Variants in USP48 observed in about 807,000 individuals in gnomAD.
The protein encoded by USP48 is ubiquitin carboxyl-terminal hydrolase 48.
USP48 carries 43 observed loss-of-function variants against 150.7 expected under a neutral mutation model. That is an observed-to-expected ratio of 0.29 (90% CI 0.22 to 0.37). USP48 has a LOEUF of 0.37. USP48 is among the 10% of genes least tolerant of loss of function. The probability of loss-of-function intolerance (pLI) is 1.00; values close to 1 mark genes in which losing one functional copy is unlikely to be tolerated. For synonymous variants in USP48, 396 were observed against 425.9 expected (o/e 0.93, Z 0.86); for missense variants, 813 against 1,249.6 (o/e 0.65, Z 5.27).
rs577092432 is a variant in USP48, at chr1:21,678,339, C to A, written c.*1078G>T. ...CCAGTCTTAAGTTCAATTAAAAAAA[C>A]CCCTTCAATATTCTTAAGAATATTG... On this transcript the variant is annotated 3_prime_UTR_variant, in exon 27 of 27. Coordinates refer to ENST00000308271, the MANE Select transcript of USP48 (RefSeq NM_032236.8). 6.7e-5 allele frequency: 10 copies of A among 150,212 alleles called. No individual in the cohort carries two copies. In the East Asian group the frequency reaches 1.6e-3, roughly 24 times the overall value. 9.3% of individuals were successfully genotyped at this position (150,212 alleles called of 1,614,324 possible). A position where few individuals can be genotyped will look rare whatever the true frequency, so the allele number is the denominator to read the frequency against.
chr1:21,701,615 G>A lies in USP48; in HGVS notation c.2623-13C>T, dbSNP rs749370884. 1 of 1,611,994 alleles carries A rather than the reference G, an allele frequency of 6.2e-7. No homozygotes were observed. The highest frequency in any genetic ancestry group is 8.5e-7 in the Non-Finnish European group (1 of 1,178,402). On this transcript the variant is annotated splice_polypyrimidine_tract_variant and intron_variant, in intron 21 of 26. Transcript: ENST00000308271. ...AATCCTTCATCACCTGAATGTGCCAGGACAACAAAGAGAAGTAGGTCAGAC... is the reference window on the plus strand; with the variant it reads ...AATCCTTCATCACCTGAATGTGCCAAGACAACAAAGAGAAGTAGGTCAGAC...
chr1:21,740,752 T>G (rs1039637289), intron 8 of USP48, among the ~76,000 whole-genome samples: 3 of 152,108 alleles, frequency 2.0e-5, no homozygotes, highest in Non-Finnish European at 4.4e-5. Flanking sequence ...TAAATAAAAT[T>G]TTAAGTATGT....
chr1:21,766,012 A>G (rs2097861404), intron 1 of USP48, among the ~76,000 whole-genome samples: 3 of 151,806 alleles, frequency 2.0e-5, no homozygotes, highest in African/African-American at 7.3e-5. Context: ...CTGGGGACTA[A>G]TAAGATGCAA....
intron 1 of USP48, among the ~76,000 whole-genome samples, chr1:21,758,801 T>C (rs1489804956): frequency 6.6e-6 from 1 of 151,690 alleles, no homozygotes; most frequent in African/African-American, 2.4e-5. Context: ...GAAAAGGAAA[T>C]GTACCTTTTC....
chr1:21,699,887 A>G lies in USP48; in HGVS notation c.2727+1611T>C, dbSNP rs1224430003. 4.6e-5 allele frequency among the ~76,000 whole-genome samples: 7 copies of G among 151,764 alleles called. No homozygotes were observed. In the East Asian group the frequency reaches 1.4e-3, roughly 30 times the overall value. On this transcript the variant is annotated intron_variant, in intron 22 of 26. Transcript: ENST00000308271. ...ATCGAGTTTGCACAAATGTGGCTCG[A>G]AAGATGGCTTGTATAGACCACAGAG...
At chr1:21,700,013 TAGAGTC>T (rs2097650679) in intron 22 of USP48, among the ~76,000 whole-genome samples, 1 of 147,752 alleles carries the variant, frequency 6.8e-6, no homozygotes, top group African/African-American at 2.5e-5. Context: ...GACATATTAG[TAGAGTC>T]AACTAATATG....
chr1:21,682,296 T>A (rs1026776452), intron 25 of USP48, among the ~76,000 whole-genome samples: 2 of 152,166 alleles, frequency 1.3e-5, no homozygotes, highest in African/African-American at 4.8e-5. Context: ...TGGCTTTCCC[T>A]CCTACTTCTA....
intron 1 of USP48, among the ~76,000 whole-genome samples, chr1:21,764,757 T>C (rs988810059): frequency 2.0e-5 from 3 of 151,194 alleles, no homozygotes; most frequent in African/African-American, 7.3e-5. Flanking sequence ...CATGACTGAT[T>C]GAATCACTGG....
chr1:21,731,504 TCCTC>T (rs1334755844), intron 9 of USP48, among the ~76,000 whole-genome samples: 1 of 151,568 alleles, frequency 6.6e-6, no homozygotes, highest in Non-Finnish European at 1.5e-5. Flanking sequence ...CCTCAGGTGA[TCCTC>T]CCTCCTCGGC....
At chr1:21,681,482 G>A (rs370520958) in intron 25 of USP48, among the ~76,000 whole-genome samples, 4 of 151,848 alleles carry the variant, frequency 2.6e-5, no homozygotes, top group African/African-American at 4.8e-5. Flanking sequence ...GGCTCGTCTC[G>A]AACTCTTGAC....
chr1:21,683,450 T>A (rs1238170848), intron 25 of USP48, among the ~76,000 whole-genome samples: 1 of 152,102 alleles, frequency 6.6e-6, no homozygotes, highest in Admixed American at 6.5e-5. Context: ...AGTGGCATGA[T>A]GACAGCTCAC....
At chr1:21,702,915 A>G (rs2097661394) in intron 21 of USP48, among the ~76,000 whole-genome samples, 1 of 152,268 alleles carries the variant, frequency 6.6e-6, no homozygotes, top group African/African-American at 2.4e-5. Flanking sequence ...CTATCACCAC[A>G]GGAAGCTCTA....
intron 26 of USP48, among the ~76,000 whole-genome samples, chr1:21,680,195 G>C (rs554788937): frequency 1.3e-5 from 2 of 152,274 alleles, no homozygotes; most frequent in South Asian, 4.1e-4. Flanking sequence ...ACCTGCCAGG[G>C]GCTTCTGGAG....
intron 11 of USP48, among the ~76,000 whole-genome samples, chr1:21,726,272 C>T (rs1187640952): frequency 6.6e-6 from 1 of 152,122 alleles, no homozygotes; most frequent in African/African-American, 2.4e-5. Flanking sequence ...TGACTGTGGC[C>T]CTGACTGTCC....
At chr1:21,719,273 T>G (rs2152540430) in intron 14 of USP48, among the ~76,000 whole-genome samples, 1 of 150,480 alleles carries the variant, frequency 6.6e-6, no homozygotes, top group Non-Finnish European at 1.5e-5. Context: ...CAGAGTGATA[T>G]TCCATCTCAA....
rs986887661 is a variant in USP48 at position 21,704,672 on chromosome 1, T to A, written c.2385-280A>T. On this transcript the variant is annotated intron_variant, in intron 19 of 26. Transcript: ENST00000308271. ...TAGTTGCAGAAGTATAAATACAGTATGGTGCCATTTATATAAAAAGTTTTA... is the reference window on the plus strand; with the variant it reads ...TAGTTGCAGAAGTATAAATACAGTAAGGTGCCATTTATATAAAAAGTTTTA... 5 of 260,634 alleles carry A rather than the reference T, an allele frequency of 1.9e-5. No individual in the cohort carries two copies. The Admixed American group carries it at 2.1e-4, about 11-fold the overall frequency. 16.1% of individuals were successfully genotyped at this position (260,634 alleles called of 1,614,324 possible). A position where few individuals can be genotyped will look rare whatever the true frequency, so the allele number is the denominator to read the frequency against.
intron 10 of USP48, among the ~76,000 whole-genome samples, chr1:21,728,951 C>T (rs1175847125): frequency 2.0e-5 from 3 of 152,136 alleles, no homozygotes; most frequent in Non-Finnish European, 4.4e-5. Flanking sequence ...CATCATCAGC[C>T]TCCCAGAACA....
chr1:21,696,048 T>C (rs922093119), intron 22 of USP48, among the ~76,000 whole-genome samples: 6 of 152,146 alleles, frequency 3.9e-5, no homozygotes, highest in African/African-American at 1.4e-4. Context: ...ATAGGGGATA[T>C]ATAAATAAAT....
chr1:21,736,028 T>C (rs1032504043), intron 9 of USP48, among the ~76,000 whole-genome samples: 15 of 152,106 alleles, frequency 9.9e-5, no homozygotes, highest in Non-Finnish European at 2.9e-5. Flanking sequence ...TGAGCCAAGA[T>C]GGTGTTACTG....
Sources: gnomAD v4.1 joint callset for allele counts (sites outside exome capture counted in the v4.1 genomes callset) on GRCh38, gnomAD v4.1.1 for gene constraint, MANE v1.5 for transcripts, NCBI Gene and HGNC (gene_info 2026-07-23, HGNC 2026-07-21) for gene names.